PGM1: variants seen among roughly 807,000 people sequenced by gnomAD.
The protein encoded by PGM1 is phosphoglucomutase 1, also known as phosphoglucomutase-1.
PGM1 carries 52 observed loss-of-function variants against 55.6 expected under a neutral mutation model. The observed-to-expected ratio is 0.94, with a 90% CI of 0.75 to 1.18. The LOEUF is 1.18. Among genes scored for constraint, PGM1 ranks in the 50% most tolerant of loss-of-function variants. The pLI is 0.00. For missense variants in PGM1, 724 were observed against 729.3 expected (o/e 0.99, Z 0.08); for synonymous variants, 287 against 271.7 (o/e 1.06, Z -0.55).
chr1:63,593,867 T>G, intron 1 of PGM1, 133 bp downstream of exon 1: 2 of 1,290,984 alleles, frequency 1.5e-6, no homozygotes, highest in Non-Finnish European at 1.9e-6. Context: ...CGCTCCTCCC[T>G]CTCCTTCGCG....
chr1:63,636,113 A>T (rs1649354482), intron 5 of PGM1, 121 bp from the exon 6 acceptor site: 3 of 961,856 alleles, frequency 3.1e-6, no homozygotes, highest in Admixed American at 3.9e-5. Context: ...AAAATGCAGT[A>T]TGGAAAGGAG....
chr1:63,606,855 A>G (rs1648433411), intron 1 of PGM1, among the ~76,000 whole-genome samples: 1 of 152,220 alleles, frequency 6.6e-6, no homozygotes, highest in South Asian at 2.1e-4. Context: ...TTAATTTTAT[A>G]TGGGCAGCTA....
At chr1:63,593,993 CCTCCCAAGGTCACGCCCGACTCTCCGT>C (rs2100948490) in intron 1 of PGM1, 1 of 1,167,508 alleles carries the variant, frequency 8.6e-7, no homozygotes, top group Admixed American at 4.9e-5. Flanking sequence ...GGGCGCGGAG[CCTCCCAAGGTCACGCCCGACTCTCCGT>C]CTCTAGCCGC....
intron 1 of PGM1, among the ~76,000 whole-genome samples, chr1:63,621,884 G>GC (rs1189199240): frequency 2.6e-5 from 4 of 152,124 alleles, no homozygotes; most frequent in African/African-American, 9.7e-5. Flanking sequence ...CTGGTCTTGT[G>GC]CAGAGCAGCC....
At position 63,652,067 on chromosome 1, in the gene PGM1, G is replaced by C. The variant is rs6669179; in HGVS notation, c.1464+215G>C. 0.022 allele frequency among the ~76,000 whole-genome samples: 3,354 copies of C among 152,086 alleles called. 132 individuals carry two copies. Among genetic ancestry groups the C allele is most frequent in the African/African-American group, 0.077 (3,192 of 41,462 alleles). ...ATGCCCTTGTTCTGTGCACTGTCCA[G>C]TACCCTCATTCTGGGATTCTTAACC... On this transcript the variant is annotated intron_variant, in intron 9 of 10. Transcript: ENST00000371084.
At chr1:63,594,175 C>T (rs1438487351) in intron 1 of PGM1, 10 of 960,670 alleles carry the variant, frequency 1.0e-5, no homozygotes, top group Admixed American at 6.1e-5. Context: ...CCCAGAGCCC[C>T]CTCGCATCCC....
intron 1 of PGM1, among the ~76,000 whole-genome samples, chr1:63,612,100 T>C (rs943038433): frequency 2.6e-5 from 4 of 151,526 alleles, no homozygotes; most frequent in African/African-American, 9.7e-5. Flanking sequence ...CTACTAAAAA[T>C]ACAAAAATTA....
At chr1:63,633,709 C>A (rs10889434) in intron 4 of PGM1, among the ~76,000 whole-genome samples, 8,827 of 150,642 alleles carry the variant, frequency 0.059, 686 homozygotes, top group East Asian at 0.4. Context: ...GCCCTGTTGC[C>A]CAGGCTGGAG....
intron 9 of PGM1, among the ~76,000 whole-genome samples, chr1:63,652,160 G>T (rs575550752): frequency 6.6e-6 from 1 of 152,300 alleles, no homozygotes; most frequent in African/African-American, 2.4e-5. Context: ...TGTACATGCA[G>T]AAAGGAGCCC....
intron 1 of PGM1, among the ~76,000 whole-genome samples, chr1:63,603,369 A>G (rs933608371): frequency 6.6e-6 from 1 of 152,222 alleles, no homozygotes; most frequent in Admixed American, 6.5e-5. Context: ...GCAGGAAATG[A>G]GTATGTGGAG....
chr1:63,647,872 C>G (rs1429406732), intron 7 of PGM1, among the ~76,000 whole-genome samples: 2 of 152,186 alleles, frequency 1.3e-5, no homozygotes, highest in East Asian at 1.9e-4. Context: ...GTTTTCTCTT[C>G]ACATTAATAC....
intron 7 of PGM1, among the ~76,000 whole-genome samples, chr1:63,647,045 C>T (rs962438209): frequency 6.6e-6 from 1 of 151,638 alleles, no homozygotes; most frequent in Non-Finnish European, 1.5e-5. Context: ...GAGTTCGAGA[C>T]CAGCCTGGCC....
chr1:63,651,871 G>A lies in PGM1; in HGVS notation c.1464+19G>A, dbSNP rs978460356. On this transcript the variant is annotated intron_variant, in intron 9 of 10. Coordinates refer to ENST00000371084, the MANE Select transcript of PGM1 (RefSeq NM_002633.3). ...AAATCAGGTAGAAACAGACCGGTGT[G>A]TAAGTGAGAGAGAGACCTCAGAGCT... The A allele has an allele frequency of 2.5e-6, 4 of 1,603,464 alleles. No individual in the cohort carries two copies. Among genetic ancestry groups the A allele is most frequent in the South Asian group, 2.2e-5 (2 of 90,828 alleles).
In PGM1 at chr1:63,631,889, G is replaced by GT. The variant is rs1287887341; in HGVS notation, c.682+112dup. Reference sequence around the variant, plus strand: ...AGCCTTTTCTCAAGTCTCTCTGATGGTTTTTAAATAGAGTTATTTTGCAAC... The same window carrying GT: ...AGCCTTTTCTCAAGTCTCTCTGATGGTTTTTTAAATAGAGTTATTTTGCAAC... On this transcript the variant is annotated intron_variant, in intron 4 of 10. Transcript: ENST00000371084. 5 of 1,107,598 alleles carry GT rather than the reference G, an allele frequency of 4.5e-6. No homozygotes were observed. In the African/African-American group the frequency reaches 7.7e-5, roughly 17 times the overall value. 68.6% of individuals were successfully genotyped at this position (1,107,598 alleles called of 1,614,324 possible). A position where few individuals can be genotyped will look rare whatever the true frequency, so the allele number is the denominator to read the frequency against.
In PGM1 at chr1:63,593,581, C is replaced by A; in HGVS notation, c.93C>A (p.Ser31Arg). Residue 31 changes from serine (S) to arginine (R), a missense_variant, in exon 1 of 11, where the codon AGC becomes AGA. By Grantham distance (110) the Ser-to-Arg change is moderately radical. This residue lies in a region of PGM1 where 379 missense variants were observed against 357.5 expected (regional missense o/e 1.06). Coordinates refer to ENST00000371084, the MANE Select transcript of PGM1 (RefSeq NM_002633.3). The part of the protein sequence containing the change: ...GLRKRVKVFQ[S>R]SANYAENFIQ... The stretch of plus-strand genomic sequence containing the variant: ...GGAAGCGGGTGAAGGTGTTCCAGAG[C>A]AGCGCCAACTACGCGGAGAACTTCA... 1.2e-6 allele frequency: 2 copies of A among 1,613,808 alleles called. No homozygotes were observed. Among genetic ancestry groups the A allele is most frequent in the East Asian group, 2.2e-5 (1 of 44,868 alleles).
Position 63,603,127 on chromosome 1 carries a change from C to A in PGM1, c.246+9393C>A, listed in dbSNP as rs147329020. ...TTTTTGTTTCATACTCTGCAAGGAGCAACTGCACTAAAAATGTACCTCATG... is the reference window on the plus strand; with the variant it reads ...TTTTTGTTTCATACTCTGCAAGGAGAAACTGCACTAAAAATGTACCTCATG... On this transcript the variant is annotated intron_variant, in intron 1 of 10. Coordinates refer to ENST00000371084, the MANE Select transcript of PGM1 (RefSeq NM_002633.3). Among the ~76,000 whole-genome samples the A allele has an allele frequency of 7.2e-5, 11 of 152,350 alleles. No individual in the cohort carries two copies. The East Asian group carries it at 2.1e-3, about 29-fold the overall frequency.
At chr1:63,635,826 C>A (rs1649346762) in intron 5 of PGM1, among the ~76,000 whole-genome samples, 1 of 152,136 alleles carries the variant, frequency 6.6e-6, no homozygotes, top group Non-Finnish European at 1.5e-5. Context: ...GACTGTGGTA[C>A]ACAGTTTACC....
chr1:63,611,626 C>T lies in PGM1; in HGVS notation c.247-17799C>T, dbSNP rs139389765. ...AAAACCTAAAAAGCTATCTGTAGGC[C>T]GGGCGCAGTGGCTCTCACCTGTAAT... On this transcript the variant is annotated intron_variant, in intron 1 of 10. Coordinates refer to ENST00000371084, the MANE Select transcript of PGM1 (RefSeq NM_002633.3). Among the ~76,000 whole-genome samples the T allele has an allele frequency of 5.3e-3, 808 of 152,242 alleles. 8 individuals carry two copies. The highest frequency in any genetic ancestry group is 0.018 in the African/African-American group (760 of 41,530).
At chr1:63,646,744 T>C (rs1649654552) in intron 7 of PGM1, among the ~76,000 whole-genome samples, 1 of 152,164 alleles carries the variant, frequency 6.6e-6, no homozygotes, top group South Asian at 2.1e-4. Flanking sequence ...TAGCAGTTTC[T>C]CATTGTGGTT....
Sources: allele counts gnomAD v4.1 joint callset (sites outside exome capture counted in the v4.1 genomes callset), GRCh38; gene constraint gnomAD v4.1.1; regional missense constraint gnomAD v4.1.1; transcripts MANE v1.5; gene names NCBI Gene and HGNC (gene_info 2026-07-23, HGNC 2026-07-21).